ST3GAL4: variants seen among roughly 807,000 people sequenced by gnomAD.
ST3GAL4 encodes CMP-N-acetylneuraminate-beta-galactosamide-alpha-2,3-sialyltransferase 4.
In ST3GAL4, 24 loss-of-function variants were observed where a neutral mutation model predicts 42.6. That is an observed-to-expected ratio of 0.56 (90% CI 0.41 to 0.79). The LOEUF (loss-of-function observed/expected upper bound fraction) is 0.79. Ranked by LOEUF, ST3GAL4 falls within the 30% of genes least tolerant of loss-of-function variation. The pLI, the probability that ST3GAL4 is intolerant of heterozygous loss-of-function variation, is 0.00. For synonymous variants in ST3GAL4, 135 were observed against 163.2 expected, an observed-to-expected ratio of 0.83 and a Z score of 1.32; for missense variants, 311 against 430.8, an observed-to-expected ratio of 0.72 and a Z score of 2.46.
At chr11:126,413,426 T>A (rs1591501526) in intron 9 of ST3GAL4, 79 bp from the exon 10 acceptor site, 7 of 1,547,782 alleles carry the variant, frequency 4.5e-6, no homozygotes, top group Non-Finnish European at 5.2e-6. Context: ...CTGCAGGAAG[T>A]TCCACTGCAG....
Position 126,373,913 on chromosome 11 carries a change from C to T in ST3GAL4, c.-61+18071C>T, listed in dbSNP as rs1325057140. ...CTGTGCCGCAGGGGCCAGAAGATAT[C>T]TGACCTACTGTCACTGCCTCTTCCA... is the stretch of plus-strand genomic sequence containing the variant. On this transcript the variant is annotated intron_variant, in intron 1 of 10. Coordinates refer to ENST00000444328, the MANE Select transcript of ST3GAL4 (RefSeq NM_001254757.2). This position sits in a 1 kb window ranked among gnomAD's most constrained non-coding sequence, Gnocchi z 5.5. Among the ~76,000 whole-genome samples the T allele has an allele frequency of 6.6e-6, 1 of 152,178 alleles. No homozygotes were observed. Among genetic ancestry groups the T allele is most frequent in the East Asian group, 1.9e-4 (1 of 5,190 alleles).
intron 6 of ST3GAL4, 122 bp downstream of exon 6, chr11:126,407,756 A>G: frequency 1.9e-6 from 2 of 1,080,222 alleles, no homozygotes; most frequent in Admixed American, 4.2e-5. Context: ...ATCCCAGCCA[A>G]TTCTCATGGT....
In ST3GAL4 at chr11:126,414,436, G is replaced by A. The variant is rs745726314; in HGVS notation, c.*389G>A. On this transcript the variant is annotated 3_prime_UTR_variant, in exon 11 of 11. Transcript: ENST00000444328. ...CCCACTTTTTATAAAAACTTACAGC[G>A]ATGGCCCCACCAAGGCCTAGACACG... 3 of 226,492 alleles carry A rather than the reference G, an allele frequency of 1.3e-5. No homozygotes were observed. The highest frequency in any genetic ancestry group is 2.3e-5 in the African/African-American group (1 of 44,418). 14.0% of individuals were successfully genotyped at this position (226,492 alleles called of 1,614,324 possible).
chr11:126,369,656 G>A (rs1952567345), intron 1 of ST3GAL4, among the ~76,000 whole-genome samples: 1 of 152,148 alleles, frequency 6.6e-6, no homozygotes, highest in Admixed American at 6.6e-5. Context: ...GTCCAAGTGT[G>A]AGACTTCAAC....
chr11:126,364,919 C>A (rs1302081063), intron 1 of ST3GAL4, among the ~76,000 whole-genome samples: 3 of 151,158 alleles, frequency 2.0e-5, no homozygotes, highest in African/African-American at 7.4e-5. Flanking sequence ...CCAAATAGAG[C>A]AAGAAGTGAA....
chr11:126,402,970 C>T (rs1267726334), intron 1 of ST3GAL4, among the ~76,000 whole-genome samples: 1 of 152,212 alleles, frequency 6.6e-6, no homozygotes, highest in Non-Finnish European at 1.5e-5. Context: ...TGAGTGGATT[C>T]GATGCCTGCT....
At chr11:126,361,090 C>T (rs1169326114) in intron 1 of ST3GAL4, among the ~76,000 whole-genome samples, 1 of 152,138 alleles carries the variant, frequency 6.6e-6, no homozygotes, top group South Asian at 2.1e-4. Flanking sequence ...ATTTCTCTAC[C>T]CATCACCCCT....
chr11:126,371,665 T>C (rs1952653241), intron 1 of ST3GAL4, among the ~76,000 whole-genome samples: 5 of 152,258 alleles, frequency 3.3e-5, no homozygotes. Context: ...GTAGCACAGC[T>C]TATGTAGCCA....
At chr11:126,401,927 G>A (rs745734838) in intron 1 of ST3GAL4, among the ~76,000 whole-genome samples, 11 of 152,106 alleles carry the variant, frequency 7.2e-5, no homozygotes, top group Non-Finnish European at 1.5e-4. Context: ...ATAGAGCAGA[G>A]AGAGGTTTGC....
chr11:126,371,079 TA>T (rs1952621548), intron 1 of ST3GAL4, among the ~76,000 whole-genome samples: 2 of 151,850 alleles, frequency 1.3e-5, no homozygotes, highest in Non-Finnish European at 2.9e-5. Context: ...CCATATTAGA[TA>T]TTTTTTCCTT....
intron 1 of ST3GAL4, among the ~76,000 whole-genome samples, chr11:126,389,939 C>T (rs574999601): frequency 6.9e-6 from 1 of 145,942 alleles, no homozygotes; most frequent in South Asian, 2.2e-4. Context: ...ACTGGGAGGC[C>T]GAGGCGGGTG....
Position 126,383,350 on chromosome 11 carries a change from C to T in ST3GAL4, c.-60-22746C>T, listed in dbSNP as rs1431571111. On this transcript the variant is annotated intron_variant, in intron 1 of 10. Coordinates refer to ENST00000444328, the MANE Select transcript of ST3GAL4 (RefSeq NM_001254757.2). This position sits in a 1 kb window ranked among gnomAD's most constrained non-coding sequence, Gnocchi z 4.5. ...GCTCTGGGCTGCCTGGTGACAGCTT[C>T]GGGGACCTGCAAGCTGACAGAGTCT... Among the ~76,000 whole-genome samples, 2 of 152,194 alleles carry T rather than the reference C, an allele frequency of 1.3e-5. No homozygotes were observed. The highest frequency in any genetic ancestry group is 2.9e-5 in the Non-Finnish European group (2 of 68,030).
At chr11:126,377,111 C>A (rs1363262232) in intron 1 of ST3GAL4, among the ~76,000 whole-genome samples, 1 of 152,160 alleles carries the variant, frequency 6.6e-6, no homozygotes, top group African/African-American at 2.4e-5. Context: ...AATGAAAAAC[C>A]CATGTGTGTT....
chr11:126,373,498 C>T lies in ST3GAL4; in HGVS notation c.-61+17656C>T, dbSNP rs934083954. Among the ~76,000 whole-genome samples the T allele has an allele frequency of 2.0e-5, 3 of 152,180 alleles. No homozygotes were observed. Among genetic ancestry groups the T allele is most frequent in the African/African-American group, 7.2e-5 (3 of 41,432 alleles). On this transcript the variant is annotated intron_variant, in intron 1 of 10. Transcript: ENST00000444328. The surrounding 1 kb of genome is among the most constrained non-coding windows in gnomAD (Gnocchi z 5.5). Reference sequence around the variant, plus strand: ...ATTCAAAGCCTCTGCCCCTCCCAGGCAGACACCAAGGTATGATTTTCAAGT... The same window carrying T: ...ATTCAAAGCCTCTGCCCCTCCCAGGTAGACACCAAGGTATGATTTTCAAGT...
chr11:126,407,459 C>T, intron 5 of ST3GAL4, 110 bp downstream of exon 5: 1 of 1,560,252 alleles, frequency 6.4e-7, no homozygotes, highest in Non-Finnish European at 8.8e-7. Flanking sequence ...GACTCGGGTA[C>T]CAGGGTCAGG....
intron 1 of ST3GAL4, among the ~76,000 whole-genome samples, chr11:126,402,098 G>GAGGT (rs1954029346): frequency 6.8e-6 from 1 of 146,744 alleles, no homozygotes; most frequent in Non-Finnish European, 1.5e-5. Flanking sequence ...GGAAAGAGGG[G>GAGGT]AGGTAGGAGA....
Position 126,409,505 on chromosome 11 carries a change from T to C in ST3GAL4, c.771+94T>C. 1 of 1,542,230 alleles carries C rather than the reference T, an allele frequency of 6.5e-7. No homozygotes were observed. The highest frequency in any genetic ancestry group is 1.2e-5 in the South Asian group (1 of 86,378). ...CTTAGGAAGCCCTGGAAGGATCCCA[T>C]AACAGAGGCGGCGGTTTGCATTTTC... On this transcript the variant is annotated intron_variant, in intron 9 of 10. Coordinates refer to ENST00000444328, the MANE Select transcript of ST3GAL4 (RefSeq NM_001254757.2). The surrounding 1 kb of genome is among the most constrained non-coding windows in gnomAD (Gnocchi z 4.9).
intron 1 of ST3GAL4, among the ~76,000 whole-genome samples, chr11:126,401,270 T>C (rs1953978088): frequency 2.0e-5 from 3 of 151,088 alleles, no homozygotes; most frequent in Non-Finnish European, 4.4e-5. Flanking sequence ...CCCCCGAGAA[T>C]GCCAGCATTT....
Position 126,366,500 on chromosome 11 carries a change from G to C in ST3GAL4, c.-61+10658G>C, listed in dbSNP as rs1239894517. 6.6e-6 allele frequency among the ~76,000 whole-genome samples: 1 copy of C among 152,052 alleles called. No homozygotes were observed. Among genetic ancestry groups the C allele is most frequent in the Non-Finnish European group, 1.5e-5 (1 of 68,010 alleles). The stretch of plus-strand genomic sequence containing the variant: ...GTGTAGGTTACTGACATGGGGAGGG[G>C]TGGGGCTTGCTTTCCTCACCCCGCT... On this transcript the variant is annotated intron_variant, in intron 1 of 10. Coordinates refer to ENST00000444328, the MANE Select transcript of ST3GAL4 (RefSeq NM_001254757.2). This position sits in a 1 kb window ranked among gnomAD's most constrained non-coding sequence, Gnocchi z 4.2.
Sources: gnomAD v4.1 joint callset for allele counts (sites outside exome capture counted in the v4.1 genomes callset) on GRCh38, gnomAD v4.1.1 for gene constraint, Gnocchi (gnomAD v3.1) non-coding constraint, MANE v1.5 for transcripts, NCBI Gene and HGNC (gene_info 2026-07-23, HGNC 2026-07-21) for gene names.